SPAG9: variants seen among roughly 807,000 people sequenced by gnomAD.
SPAG9 encodes the protein sperm associated antigen 9.
In SPAG9, 35 loss-of-function variants were observed where a neutral mutation model predicts 166.5. The observed-to-expected ratio is 0.21, with a 90% CI of 0.16 to 0.28. The LOEUF is 0.28. Among genes scored for constraint, SPAG9 ranks in the 10% least tolerant of loss-of-function variants. SPAG9 has a pLI of 1.00. For synonymous variants in SPAG9, 534 were observed against 565.5 expected (o/e 0.94, Z 0.79); for missense variants, 1,235 against 1,603.3 (o/e 0.77, Z 3.92).
chr17:51,042,640 T>G (rs931852343), intron 4 of SPAG9: 16 of 152,232 alleles, frequency 1.1e-4, no homozygotes, highest in African/African-American at 3.4e-4. Flanking sequence ...TCTTTAATTC[T>G]GTAGTTCATT....
chr17:51,050,043 T>C (rs1227069408), intron 3 of SPAG9, among the ~76,000 whole-genome samples: 1 of 152,178 alleles, frequency 6.6e-6, no homozygotes, highest in Non-Finnish European at 1.5e-5. Flanking sequence ...GAACTCAATA[T>C]AGAAAAAGAA....
At chr17:50,990,370 A>T (rs1402231413) in intron 20 of SPAG9, 80 bp downstream of exon 20, 1 of 1,056,420 alleles carries the variant, frequency 9.5e-7, no homozygotes, top group Non-Finnish European at 1.5e-6. Context: ...GTTACTTAAG[A>T]TCTAAATTAA....
chr17:51,077,081 T>TCTCG, intron 2 of SPAG9, among the ~76,000 whole-genome samples: 1 of 109,682 alleles, frequency 9.1e-6, no homozygotes, highest in South Asian at 2.6e-4. Context: ...TATCTAGCTA[T>TCTCG]CTAGCTAGCT....
At chr17:51,022,631 C>CTAATAATAA (rs57083539) in intron 6 of SPAG9, among the ~76,000 whole-genome samples, 159 of 148,226 alleles carry the variant, frequency 1.1e-3, no homozygotes, top group Non-Finnish European at 2.0e-3. Context: ...GCCACCACCA[C>CTAATAATAA]TAATAATAAT....
At chr17:51,030,743 T>C (rs1018096076) in intron 6 of SPAG9, among the ~76,000 whole-genome samples, 2 of 152,074 alleles carry the variant, frequency 1.3e-5, no homozygotes, top group Non-Finnish European at 2.9e-5. Flanking sequence ...AAAGGAAAGG[T>C]ATGAATGTCC....
At chr17:50,968,623 C>G (rs767806164) in intron 29 of SPAG9, among the ~76,000 whole-genome samples, 18 of 151,966 alleles carry the variant, frequency 1.2e-4, no homozygotes, top group South Asian at 2.1e-4. Flanking sequence ...CCCAGCTACT[C>G]GGGAGGCTGA....
rs192221732 is a variant in SPAG9, at chr17:51,102,508, T to A, written c.303+17846A>T. On this transcript the variant is annotated intron_variant, in intron 1 of 29. Coordinates refer to ENST00000262013, the MANE Select transcript of SPAG9 (RefSeq NM_001130528.3). ...CACTTAATCTTCATTTGTATGGAAA[T>A]TTTTTTTTTTTGAGGTGGAGTCTCG... 1.2e-4 allele frequency among the ~76,000 whole-genome samples: 18 copies of A among 146,976 alleles called. No individual in the cohort carries two copies. In the East Asian group the frequency reaches 2.2e-3, roughly 18 times the overall value.
At chr17:50,996,441 G>A in intron 16 of SPAG9, 124 bp downstream of exon 16, 3 of 1,086,050 alleles carry the variant, frequency 2.8e-6, no homozygotes, top group Non-Finnish European at 2.7e-6. Flanking sequence ...GCTTAAATGT[G>A]TGCCCAGTCC....
intron 9 of SPAG9, among the ~76,000 whole-genome samples, chr17:51,011,772 T>G (rs1311499746): frequency 6.6e-6 from 1 of 152,216 alleles, no homozygotes; most frequent in African/African-American, 2.4e-5. Flanking sequence ...ATCTGAACTA[T>G]TCTAGAGATA....
chr17:51,022,921 A>C (rs1205800886), intron 6 of SPAG9, among the ~76,000 whole-genome samples: 1 of 145,408 alleles, frequency 6.9e-6, no homozygotes, highest in Non-Finnish European at 1.5e-5. Context: ...AGTCTGGGCA[A>C]CAAGAGTGAA....
chr17:51,025,283 A>T (rs1311202974), intron 6 of SPAG9, among the ~76,000 whole-genome samples: 1 of 130,588 alleles, frequency 7.7e-6, no homozygotes, highest in Non-Finnish European at 1.6e-5. Context: ...GTGCCACCAC[A>T]CTCCAGTCTG....
chr17:51,110,656 T>A (rs2049082601), intron 1 of SPAG9, among the ~76,000 whole-genome samples: 2 of 152,126 alleles, frequency 1.3e-5, no homozygotes, highest in South Asian at 4.1e-4. Flanking sequence ...ACCACTGCAC[T>A]CCAACCTGGG....
chr17:51,069,272 G>A lies in SPAG9; in HGVS notation c.424+10312C>T, dbSNP rs528923019. On this transcript the variant is annotated intron_variant, in intron 2 of 29. Coordinates refer to ENST00000262013, the MANE Select transcript of SPAG9 (RefSeq NM_001130528.3). ...TATCATTCTTAAAATTATGTAGAAG[G>A]AATTGCCTATTGACATAGAACTAAA... 2.6e-5 allele frequency among the ~76,000 whole-genome samples: 4 copies of A among 151,900 alleles called. No homozygotes were observed. In the South Asian group the frequency reaches 8.3e-4, roughly 32 times the overall value.
At chr17:51,110,360 G>A (rs1481442627) in intron 1 of SPAG9, among the ~76,000 whole-genome samples, 3 of 142,940 alleles carry the variant, frequency 2.1e-5, no homozygotes, top group Non-Finnish European at 4.6e-5. Flanking sequence ...GGTGGTGGTG[G>A]ATTTACTGAA....
intron 6 of SPAG9, among the ~76,000 whole-genome samples, chr17:51,027,172 G>A (rs974586041): frequency 3.3e-5 from 5 of 152,068 alleles, no homozygotes; most frequent in African/African-American, 1.2e-4. Flanking sequence ...TGGCTCATGT[G>A]TGTAATCACA....
Position 50,965,015 on chromosome 17 carries a change from C to G in SPAG9, c.*1257G>C, listed in dbSNP as rs1973293011. 1 of 157,334 alleles carries G rather than the reference C, an allele frequency of 6.4e-6. No homozygotes were observed. The highest frequency in any genetic ancestry group is 2.4e-5 in the African/African-American group (1 of 41,436). 9.7% of individuals were successfully genotyped at this position (157,334 alleles called of 1,614,324 possible). On this transcript the variant is annotated 3_prime_UTR_variant, in exon 30 of 30. Transcript: ENST00000262013. ...GGCTCAAGCAATCCATCTGCCTCAG[C>G]CTCCTAAAGTGTTGGGATTACAGGC...
intron 1 of SPAG9, among the ~76,000 whole-genome samples, chr17:51,118,755 T>C (rs2049375693): frequency 6.6e-6 from 1 of 152,198 alleles, no homozygotes; most frequent in African/African-American, 2.4e-5. Context: ...AATAGTCCAT[T>C]CTGGCGGGGT....
Position 51,031,722 on chromosome 17 carries a change from C to T in SPAG9, c.742G>A (p.Val248Ile). ...SQPRSHTSLK[V>I]SNSPEPQKAV... Reference sequence around the variant, plus strand: ...TTCTGAGGTTCAGGACTATTGCTGACCTAGGAAGAGGGAAGATTATAAAAG... The same window carrying T: ...TTCTGAGGTTCAGGACTATTGCTGATCTAGGAAGAGGGAAGATTATAAAAG... Residue 248 changes from valine to isoleucine, a missense_variant and splice_region_variant, in exon 6 of 30, where the codon GTC (valine) becomes ATC (isoleucine). Val to Ile is a conservative substitution (Grantham distance 29). Around this residue, in one of 6 missense-constraint regions of SPAG9, gnomAD observed 288 missense variants for 323.7 expected, o/e 0.89. Transcript: ENST00000262013. 6.5e-7 allele frequency: 1 copy of T among 1,550,028 alleles called. No individual in the cohort carries two copies. Among genetic ancestry groups the T allele is most frequent in the Non-Finnish European group, 8.7e-7 (1 of 1,145,734 alleles).
intron 24 of SPAG9, among the ~76,000 whole-genome samples, chr17:50,983,236 A>T (rs1337562587): frequency 6.6e-6 from 1 of 152,210 alleles, no homozygotes; most frequent in African/African-American, 2.4e-5. Context: ...GAAAAATATT[A>T]CCCACACCTA....
Sources: gnomAD v4.1 joint callset for allele counts (sites outside exome capture counted in the v4.1 genomes callset) on GRCh38, gnomAD v4.1.1 for gene constraint, gnomAD v4.1.1 regional missense constraint, MANE v1.5 for transcripts, NCBI Gene and HGNC (gene_info 2026-07-23, HGNC 2026-07-21) for gene names.